The following CPSF2 variants were observed in gnomAD, a reference collection of about 807,000 sequenced individuals.
CPSF2 encodes cleavage and polyadenylation specific factor 2.
CPSF2 carries 51 observed loss-of-function variants against 84.2 expected under a neutral mutation model. The ratio of observed to expected loss-of-function variants is 0.61; its 90% CI spans 0.48 to 0.77. The LOEUF (loss-of-function observed/expected upper bound fraction) is 0.77, where lower values mean the gene tolerates loss of function less well. Among genes scored for constraint, CPSF2 ranks in the 30% least tolerant of loss-of-function variants. CPSF2 has a pLI of 0.00. For missense variants in CPSF2, 641 were observed against 929.4 expected, an observed-to-expected ratio of 0.69 and a Z score of 4.03; for synonymous variants, 286 against 311.9, an observed-to-expected ratio of 0.92 and a Z score of 0.87.
At chr14:92,158,212 G>C (rs1358350528) in intron 13 of CPSF2, among the ~76,000 whole-genome samples, 1 of 152,168 alleles carries the variant, frequency 6.6e-6, no homozygotes. Flanking sequence ...TAGGAAAGGG[G>C]GGGAAGAGCG....
chr14:92,146,152 A>G (rs2069141501), intron 9 of CPSF2, among the ~76,000 whole-genome samples: 1 of 152,244 alleles, frequency 6.6e-6, no homozygotes, highest in South Asian at 2.1e-4. Context: ...TCTAGCCTGT[A>G]CCCTGATCGA....
intron 3 of CPSF2, 21 bp downstream of exon 3, chr14:92,131,154 CTA>C (rs1281114737): frequency 6.4e-7 from 1 of 1,568,126 alleles, no homozygotes; most frequent in African/African-American, 1.4e-5. Context: ...TTTCATAATT[CTA>C]TGTTTTTATT....
intron 7 of CPSF2, among the ~76,000 whole-genome samples, chr14:92,140,940 A>C (rs540493341): frequency 2.0e-5 from 3 of 152,212 alleles, no homozygotes; most frequent in Admixed American, 2.0e-4. Context: ...GAAAAACAAA[A>C]AAAGTAGCGG....
intron 9 of CPSF2, among the ~76,000 whole-genome samples, chr14:92,152,869 A>G (rs528518463): frequency 1.3e-5 from 2 of 152,198 alleles, no homozygotes; most frequent in South Asian, 4.1e-4. Flanking sequence ...AATTTTTAGG[A>G]GTCTAAGGTA....
At position 92,135,394 on chromosome 14, in the gene CPSF2, C is replaced by T. The variant is rs1403920966; in HGVS notation, c.443C>T (p.Pro148Leu). The change falls in exon 6 of 16, where the codon CCT becomes CTT. Residue 148 changes from proline (P) to leucine (L), a missense_variant. This residue lies in a region of CPSF2 where 211 missense variants were observed against 375.7 expected (regional missense o/e 0.56). Coordinates refer to ENST00000298875, the MANE Select transcript of CPSF2 (RefSeq NM_017437.3). ...AAAGGACATGGCCTGTCTATCACAC[C>T]TCTGCCAGCTGGTCATATGATAGGT... ...KGKGHGLSIT[P>L]LPAGHMIGGT... 1.9e-6 allele frequency: 3 copies of T among 1,613,114 alleles called. No individual in the cohort carries two copies. Among genetic ancestry groups the T allele is most frequent in the Non-Finnish European group, 2.5e-6 (3 of 1,179,552 alleles).
At chr14:92,127,873 T>G (rs1184397528) in intron 2 of CPSF2, among the ~76,000 whole-genome samples, 1 of 152,152 alleles carries the variant, frequency 6.6e-6, no homozygotes, top group Non-Finnish European at 1.5e-5. Flanking sequence ...GAGAAATTAT[T>G]GTCTAATTTT....
chr14:92,135,446 T>C lies in CPSF2; in HGVS notation c.495T>C (p.Asp165=), dbSNP rs1478289504. The C allele has an allele frequency of 3.1e-6, 5 of 1,613,362 alleles. No homozygotes were observed. Among genetic ancestry groups the C allele is most frequent in the Non-Finnish European group, 3.4e-6 (4 of 1,179,696 alleles). The part of the protein sequence containing the change: ...IGGTIWKIVK[D]GEEEIVYAVD... ...GAACAATATGGAAAATAGTCAAAGA[T>C]GGAGAAGAAGAAATTGTTTATGCAG... Residue 165 remains aspartate, a synonymous_variant, in exon 6 of 16, where the codon GAT becomes GAC. Coordinates refer to ENST00000298875, the MANE Select transcript of CPSF2 (RefSeq NM_017437.3).
intron 14 of CPSF2, among the ~76,000 whole-genome samples, chr14:92,159,558 C>T (rs1237993298): frequency 1.3e-5 from 2 of 152,104 alleles, no homozygotes; most frequent in African/African-American, 4.8e-5. Context: ...GGCATGGTGG[C>T]ATGCACCTGT....
Position 92,135,556 on chromosome 14 carries a change from G to GA in CPSF2, c.545+66dup, listed in dbSNP as rs1413212371. On this transcript the variant is annotated intron_variant, in intron 6 of 15. Coordinates refer to ENST00000298875, the MANE Select transcript of CPSF2 (RefSeq NM_017437.3). ...AATTGGTATTATTTTATTCTTTGGA[G>GA]AAAAAATAAGAAACACAGTTTTTGT... 3.4e-6 allele frequency: 5 copies of GA among 1,464,596 alleles called. No homozygotes were observed. The African/African-American group carries it at 4.3e-5, about 13-fold the overall frequency. The allele number at this position is 1,464,596 out of a possible 1,614,324, so 90.7% of individuals were successfully genotyped here.
intron 9 of CPSF2, among the ~76,000 whole-genome samples, chr14:92,150,194 A>C (rs1321297562): frequency 6.6e-6 from 1 of 150,670 alleles, no homozygotes; most frequent in African/African-American, 2.4e-5. Flanking sequence ...GGCTCACTGC[A>C]ACCTCTACTT....
rs1207779042 is a variant in CPSF2, at chr14:92,154,374, A to G, written c.1157A>G (p.Lys386Arg). 12 of 1,603,514 alleles carry G rather than the reference A, an allele frequency of 7.5e-6. No individual in the cohort carries two copies. Among genetic ancestry groups the G allele is most frequent in the Non-Finnish European group, 9.3e-6 (11 of 1,177,298 alleles). Residue 386 changes from lysine to arginine, a missense_variant, in exon 10 of 16, where the codon AAG becomes AGG. Transcript: ENST00000298875. ...ITEIELRKRVKLEGKELEEYL... is the reference protein window; with the variant it reads ...ITEIELRKRVRLEGKELEEYL... ...TTTTTTTAGTTGAGGAAACGTGTGA[A>G]GCTTGAAGGGAAAGAACTTGAAGAA...
Position 92,143,301 on chromosome 14 carries a change from A to T in CPSF2, c.1140+7A>T. On this transcript the variant is annotated splice_region_variant and intron_variant, in intron 9 of 15. Transcript: ENST00000298875. ...AAAAATTACAGAAATAGAGGTAAGCACTTGTATGTGAACTTTATCTTAAAA... is the reference window on the plus strand; with the variant it reads ...AAAAATTACAGAAATAGAGGTAAGCTCTTGTATGTGAACTTTATCTTAAAA... 6.4e-7 allele frequency: 1 copy of T among 1,565,358 alleles called. No homozygotes were observed.
Position 92,162,629 on chromosome 14 carries a change from G to C in CPSF2, c.*885G>C, listed in dbSNP as rs535712492. 1 of 152,246 alleles carries C rather than the reference G, an allele frequency of 6.6e-6. No homozygotes were observed. The highest frequency in any genetic ancestry group is 2.1e-4 in the South Asian group (1 of 4,828). 9.4% of individuals were successfully genotyped at this position (152,246 alleles called of 1,614,324 possible). On this transcript the variant is annotated 3_prime_UTR_variant, in exon 16 of 16. Coordinates refer to ENST00000298875, the MANE Select transcript of CPSF2 (RefSeq NM_017437.3). ...AATGTTTTCATCTCTTAGGCTTGCT[G>C]TCTCCTAAGGTCACCCAAGCAGTGG...
chr14:92,142,979 C>G (rs1299117879), intron 8 of CPSF2, 25 bp from the exon 9 acceptor site: 2 of 1,555,832 alleles, frequency 1.3e-6, no homozygotes, highest in South Asian at 2.4e-5. Flanking sequence ...ATTTCTAATT[C>G]TTGTCATCTT....
At position 92,161,806 on chromosome 14, in the gene CPSF2, T is replaced by C; in HGVS notation, c.*62T>C. 1 of 921,358 alleles carries C rather than the reference T, an allele frequency of 1.1e-6. No homozygotes were observed. The highest frequency in any genetic ancestry group is 1.6e-6 in the Non-Finnish European group (1 of 613,196). 57.1% of individuals were successfully genotyped at this position (921,358 alleles called of 1,614,324 possible). A position where few individuals can be genotyped will look rare whatever the true frequency, so the allele number is the denominator to read the frequency against. On this transcript the variant is annotated 3_prime_UTR_variant, in exon 16 of 16. Transcript: ENST00000298875. ...TAAGAAAAAGGGATTCTTATCTTAC[T>C]CTGAGCTTTTGATGTTTTGTTTTGT...
Position 92,169,914 on chromosome 14 carries a change from G to A in CPSF2, c.*8170G>A, listed in dbSNP as rs2069497339. 6.6e-6 allele frequency: 1 copy of A among 152,186 alleles called. No individual in the cohort carries two copies. Among genetic ancestry groups the A allele is most frequent in the Admixed American group, 6.5e-5 (1 of 15,268 alleles). 9.4% of individuals were successfully genotyped at this position (152,186 alleles called of 1,614,324 possible). A position where few individuals can be genotyped will look rare whatever the true frequency, so the allele number is the denominator to read the frequency against. On this transcript the variant is annotated 3_prime_UTR_variant, in exon 16 of 16. Coordinates refer to ENST00000298875, the MANE Select transcript of CPSF2 (RefSeq NM_017437.3). The stretch of plus-strand genomic sequence containing the variant: ...CACCTTGGGAGGCTAAAGGCAGGAG[G>A]ATTGCTTGAGCTCAGGAGTTTGAGA...
chr14:92,129,142 G>C (rs1289426431), intron 2 of CPSF2, among the ~76,000 whole-genome samples: 2 of 152,112 alleles, frequency 1.3e-5, no homozygotes, highest in African/African-American at 4.8e-5. Flanking sequence ...CAAGTACAGG[G>C]GGTACAAGAA....
intron 13 of CPSF2, among the ~76,000 whole-genome samples, chr14:92,158,661 C>G (rs2069324179): frequency 1.3e-5 from 2 of 152,162 alleles, no homozygotes; most frequent in Admixed American, 1.3e-4. Flanking sequence ...TCGTGAGGGT[C>G]AGAGGGACTC....
chr14:92,132,481 A>G (rs1355414546), intron 3 of CPSF2, among the ~76,000 whole-genome samples: 4 of 151,300 alleles, frequency 2.6e-5, no homozygotes, highest in South Asian at 4.2e-4. Context: ...ACTTAAATTA[A>G]TAGTTTGCGA....
Sources: gnomAD v4.1 joint callset for allele counts (sites outside exome capture counted in the v4.1 genomes callset) on GRCh38, gnomAD v4.1.1 for gene constraint, gnomAD v4.1.1 regional missense constraint, MANE v1.5 for transcripts, NCBI Gene and HGNC (gene_info 2026-07-23, HGNC 2026-07-21) for gene names.